The following EPB41L5 variants were observed in gnomAD, a reference collection of about 807,000 sequenced individuals.
The protein encoded by EPB41L5 is erythrocyte membrane protein band 4.1 like 5, also known as band 4.1-like protein 5.
EPB41L5 carries 55 observed loss-of-function variants against 106.6 expected under a neutral mutation model. The ratio of observed to expected loss-of-function variants is 0.52; its 90% CI spans 0.42 to 0.65. EPB41L5 has a LOEUF of 0.65. EPB41L5 is among the 30% of genes least tolerant of loss of function. The pLI is 0.00. For synonymous variants in EPB41L5, 297 were observed against 306.7 expected (o/e 0.97, Z 0.33); for missense variants, 871 against 882.1 (o/e 0.99, Z 0.16).
At chr2:120,057,407 G>A (rs1401579129) in intron 3 of EPB41L5, among the ~76,000 whole-genome samples, 3 of 152,138 alleles carry the variant, frequency 2.0e-5, no homozygotes, top group Non-Finnish European at 4.4e-5. Flanking sequence ...TAAACTTAGA[G>A]TTATGAAATC....
intron 20 of EPB41L5, among the ~76,000 whole-genome samples, chr2:120,158,064 G>A (rs1281992655): frequency 6.6e-6 from 1 of 152,080 alleles, no homozygotes; most frequent in Non-Finnish European, 1.5e-5. Flanking sequence ...ATTGAAACCT[G>A]AACAGACCAA....
intron 1 of EPB41L5, among the ~76,000 whole-genome samples, chr2:120,017,284 C>A (rs1327495732): frequency 6.6e-6 from 1 of 152,214 alleles, no homozygotes; most frequent in African/African-American, 2.4e-5. Context: ...TTAGCTCTTT[C>A]CATATCTGTA....
At chr2:120,035,981 C>T (rs977464234) in intron 2 of EPB41L5, among the ~76,000 whole-genome samples, 10 of 152,078 alleles carry the variant, frequency 6.6e-5, no homozygotes, top group Non-Finnish European at 1.5e-4. Flanking sequence ...GCTCCTGTGG[C>T]TGTGGAAGGA....
At chr2:120,138,964 G>A (rs915961840) in intron 18 of EPB41L5, among the ~76,000 whole-genome samples, 5 of 151,968 alleles carry the variant, frequency 3.3e-5, no homozygotes, top group African/African-American at 1.2e-4. Flanking sequence ...AAAACTCATG[G>A]TATTAGCATA....
chr2:120,120,478 A>G (rs1377262909), intron 16 of EPB41L5, among the ~76,000 whole-genome samples: 1 of 151,560 alleles, frequency 6.6e-6, no homozygotes, highest in Non-Finnish European at 1.5e-5. Context: ...AAGAAAAAAA[A>G]GCTGTGGGCA....
At chr2:120,146,589 C>T (rs1431538197) in intron 20 of EPB41L5, among the ~76,000 whole-genome samples, 4 of 152,226 alleles carry the variant, frequency 2.6e-5, no homozygotes, top group Non-Finnish European at 4.4e-5. Flanking sequence ...TATTCTCTTA[C>T]AGTAAACTTT....
At chr2:120,164,979 A>G in intron 22 of EPB41L5, 69 bp downstream of exon 22, 1 of 1,191,714 alleles carries the variant, frequency 8.4e-7, no homozygotes, top group Non-Finnish European at 1.2e-6. Context: ...GCTAGATTCC[A>G]GTTTTTTCCT....
rs1686391815 is a variant in EPB41L5 at position 120,146,132 on chromosome 2, A to G, written c.1729-93A>G. The G allele has an allele frequency of 1.2e-5, 9 of 761,536 alleles. No homozygotes were observed. The South Asian group carries it at 1.3e-4, about 11-fold the overall frequency. 47.2% of individuals were successfully genotyped at this position (761,536 alleles called of 1,614,324 possible). A position where few individuals can be genotyped will look rare whatever the true frequency, so the allele number is the denominator to read the frequency against. ...CTCTTATTTTAATTAAAGCAAACTG[A>G]TATTTCTGTTGTTACCAGAAAGAAA... On this transcript the variant is annotated intron_variant, in intron 19 of 24. Transcript: ENST00000263713.
intron 10 of EPB41L5, among the ~76,000 whole-genome samples, chr2:120,082,506 G>A (rs2105342925): frequency 6.6e-6 from 1 of 152,238 alleles, no homozygotes; most frequent in East Asian, 1.9e-4. Context: ...GATTCGGTTT[G>A]CCAGTATTTT....
chr2:120,143,224 G>A, intron 19 of EPB41L5, 93 bp downstream of exon 19: 1 of 1,307,624 alleles, frequency 7.6e-7, no homozygotes, highest in Middle Eastern at 1.9e-4. Flanking sequence ...AATCAAGCTA[G>A]ATTAATGGTG....
chr2:120,104,198 T>C (rs765516380), intron 16 of EPB41L5: 2 of 1,535,954 alleles, frequency 1.3e-6, no homozygotes, highest in Admixed American at 3.9e-5. Flanking sequence ...GAATCCGTCA[T>C]GATGTTCATT....
At chr2:120,019,966 G>A (rs570459948) in intron 2 of EPB41L5, among the ~76,000 whole-genome samples, 1 of 151,860 alleles carries the variant, frequency 6.6e-6, no homozygotes, top group Admixed American at 6.6e-5. Context: ...AATCTGACAT[G>A]TTTGAAAGGG....
intron 3 of EPB41L5, among the ~76,000 whole-genome samples, chr2:120,044,893 T>A (rs1181841659): frequency 6.6e-6 from 1 of 152,168 alleles, no homozygotes; most frequent in East Asian, 1.9e-4. Flanking sequence ...AAACTATGAG[T>A]TGAGCTGGAA....
intron 1 of EPB41L5, among the ~76,000 whole-genome samples, chr2:120,018,758 T>C (rs1171536390): frequency 6.6e-6 from 1 of 152,124 alleles, no homozygotes; most frequent in Non-Finnish European, 1.5e-5. Context: ...GTGATCCTTC[T>C]GCCTCACAGC....
intron 17 of EPB41L5, among the ~76,000 whole-genome samples, chr2:120,128,381 T>C (rs1333194945): frequency 6.6e-6 from 1 of 152,208 alleles, no homozygotes; most frequent in African/African-American, 2.4e-5. Flanking sequence ...ATAACTTGTT[T>C]ATAAACAGCA....
chr2:120,126,860 T>C (rs1289014025), intron 16 of EPB41L5, among the ~76,000 whole-genome samples: 2 of 152,320 alleles, frequency 1.3e-5, no homozygotes, highest in African/African-American at 4.8e-5. Context: ...ACACATCAGT[T>C]TGGGGAGAAG....
chr2:120,091,071 G>T (rs931738461), intron 12 of EPB41L5, among the ~76,000 whole-genome samples: 1 of 152,104 alleles, frequency 6.6e-6, no homozygotes, highest in African/African-American at 2.4e-5. Context: ...AATAGAAGTA[G>T]TACTGTAGTC....
At chr2:120,079,418 A>G (rs72841609) in intron 10 of EPB41L5, among the ~76,000 whole-genome samples, 6,996 of 152,098 alleles carry the variant, frequency 0.046, 229 homozygotes, top group Non-Finnish European at 0.072. Flanking sequence ...GATCCCTCAC[A>G]CTTAACTGCT....
chr2:120,044,267 C>T (rs1679621381), intron 3 of EPB41L5, among the ~76,000 whole-genome samples: 1 of 150,506 alleles, frequency 6.6e-6, no homozygotes. Context: ...TTTTATTTTT[C>T]TTTCTAATGT....
Sources: allele counts gnomAD v4.1 joint callset (sites outside exome capture counted in the v4.1 genomes callset), GRCh38; gene constraint gnomAD v4.1.1; transcripts MANE v1.5; gene names NCBI Gene and HGNC (gene_info 2026-07-23, HGNC 2026-07-21).